Variants in PDZD4 observed in about 807,000 individuals in gnomAD.
PDZD4 encodes the protein PDZ domain-containing protein 4.
PDZD4 carries 9 observed loss-of-function variants against 38.5 expected under a neutral mutation model. The observed-to-expected ratio is 0.23, with a 90% CI of 0.14 to 0.41. The LOEUF (loss-of-function observed/expected upper bound fraction) is 0.41, where lower values mean the gene tolerates loss of function less well. Among genes scored for constraint, PDZD4 ranks in the 10% least tolerant of loss-of-function variants. PDZD4 has a pLI of 1.00. For missense variants in PDZD4, 612 were observed against 722.0 expected (o/e 0.85, Z 1.75); for synonymous variants, 349 against 315.7 (o/e 1.11, Z -1.12).
In PDZD4 at chrX:153,805,600, C is replaced by T. The variant is rs1259346897; in HGVS notation, c.574G>A (p.Gly192Ser). The change falls in exon 6 of 8, where the codon GGT becomes AGT. Residue 192 changes from glycine to serine, a missense_variant. By Grantham distance (56) the Gly-to-Ser change is moderately conservative. Coordinates refer to ENST00000393758, the MANE Select transcript of PDZD4 (RefSeq NM_001303512.2). Reference protein sequence around the residue: ...REGDRIIQINGVDVQNREEAV... With the variant: ...REGDRIIQINSVDVQNREEAV... The stretch of plus-strand genomic sequence containing the variant: ...TCTTCCCGGTTCTGGACGTCTACAC[C>T]GTTAATCTGAGGCAGGCAGGATACA... 4.1e-6 allele frequency: 5 copies of T among 1,205,259 alleles called. No individual in the cohort carries two copies. Among genetic ancestry groups the T allele is most frequent in the Non-Finnish European group, 5.6e-6 (5 of 890,657 alleles).
intron 1 of PDZD4, among the ~76,000 whole-genome samples, chrX:153,817,151 T>C (rs2064371940): frequency 9.0e-6 from 1 of 111,059 alleles, no homozygotes; most frequent in Admixed American, 9.6e-5. Context: ...CTGCTGGGCA[T>C]GTAAAATAGT....
In PDZD4 at chrX:153,818,292, C is replaced by A. The variant is rs369832853; in HGVS notation, c.61-9697G>T. On this transcript the variant is annotated intron_variant, in intron 1 of 7. Coordinates refer to ENST00000393758, the MANE Select transcript of PDZD4 (RefSeq NM_001303512.2). Reference sequence around the variant, plus strand: ...ATGAAGCTGGGCGTGGTGTCTCGCTCCTGTAGCCCCAAGTGGTGGAGGAGG... The same window carrying A: ...ATGAAGCTGGGCGTGGTGTCTCGCTACTGTAGCCCCAAGTGGTGGAGGAGG... Among the ~76,000 whole-genome samples the A allele has an allele frequency of 2.7e-5, 3 of 109,275 alleles. No individual in the cohort carries two copies. In the East Asian group the frequency reaches 8.5e-4, roughly 31 times the overall value. 94.9% of individuals were successfully genotyped at this position (109,275 alleles called of 115,157 possible).
At chrX:153,810,800 C>A (rs1036095585) in intron 1 of PDZD4, among the ~76,000 whole-genome samples, 2 of 112,348 alleles carry the variant, frequency 1.8e-5, no homozygotes, top group African/African-American at 6.5e-5. Flanking sequence ...ACCCCTGTGG[C>A]CTCAGCAGCG....
rs2092202218 is a variant in PDZD4, at chrX:153,804,566, T to C, written c.1115A>G (p.His372Arg). 8.3e-7 allele frequency: 1 copy of C among 1,209,609 alleles called. No individual in the cohort carries two copies. ...RYRELLEIKC[H>R]LENGNQLGLL... ...GCCCAGCTGGTTGCCGTTCTCCAGG[T>C]GGCACTTGATCTCCAGGAGCTCACG... Residue 372 changes from histidine to arginine, a missense_variant, in exon 8 of 8, where the codon CAC (histidine) becomes CGC (arginine). His to Arg is a conservative substitution (Grantham distance 29, BLOSUM62 0). Transcript: ENST00000393758.
In PDZD4 at chrX:153,802,248, G is replaced by A; in HGVS notation, c.*1105C>T. 1 of 111,982 alleles carries A rather than the reference G, an allele frequency of 8.9e-6. No individual in the cohort carries two copies. The highest frequency in any genetic ancestry group is 1.9e-5 in the Non-Finnish European group (1 of 53,119). 9.2% of individuals were successfully genotyped at this position (111,982 alleles called of 1,213,427 possible). ...GGTGCAGTCTGTCTGCCTCCAATCT[G>A]GGGCTCTCCAAGCCTAAGGGGCACC... is the stretch of plus-strand genomic sequence containing the variant. On this transcript the variant is annotated 3_prime_UTR_variant, in exon 8 of 8. Coordinates refer to ENST00000393758, the MANE Select transcript of PDZD4 (RefSeq NM_001303512.2).
At position 153,803,879 on chromosome X, in the gene PDZD4, T is replaced by C. The variant is rs200819237; in HGVS notation, c.1802A>G (p.Glu601Gly). Reference protein sequence around the residue: ...VQLAPTRGLEELGHGPLSLAG... With the variant: ...VQLAPTRGLEGLGHGPLSLAG... ...CAAGCTCAGGGGGCCGTGGCCCAGC[T>C]CCTCCAGGCCTCGCGTCGGGGCCAG... is the stretch of plus-strand genomic sequence containing the variant. Residue 601 changes from glutamate (E) to glycine (G), a missense_variant, in exon 8 of 8, where the codon GAG becomes GGG. Transcript: ENST00000393758. 8,872 of 1,184,879 alleles carry C rather than the reference T, an allele frequency of 7.5e-3. 25 individuals carry two copies. Among genetic ancestry groups the C allele is most frequent in the Non-Finnish European group, 8.6e-3 (7,650 of 885,097 alleles).
At chrX:153,829,419 G>A (rs1435923375) in intron 1 of PDZD4, 1 of 111,905 alleles carries the variant, frequency 8.9e-6, no homozygotes, top group Non-Finnish European at 1.9e-5. Flanking sequence ...TTAGCCCTAG[G>A]AGGTCTCAGC....
intron 1 of PDZD4, among the ~76,000 whole-genome samples, chrX:153,815,355 A>G (rs781902266): frequency 5.4e-5 from 6 of 111,663 alleles, no homozygotes; most frequent in South Asian, 7.5e-4. Flanking sequence ...CACTGAGAGC[A>G]CTCACTGCCC....
At chrX:153,830,089 A>T (rs1167414225) in intron 1 of PDZD4, 150 bp downstream of exon 1, 1 of 553,964 alleles carries the variant, frequency 1.8e-6, no homozygotes, top group Non-Finnish European at 2.5e-6. Context: ...GCCAACACCC[A>T]ACAGCCCCAG....
intron 1 of PDZD4, among the ~76,000 whole-genome samples, chrX:153,828,686 C>T (rs2064507457): frequency 8.9e-6 from 1 of 112,620 alleles, no homozygotes; most frequent in African/African-American, 3.2e-5. Context: ...CACGTCCCCA[C>T]GAGGTTGGCC....
At chrX:153,807,462 C>G in intron 2 of PDZD4, 93 bp from the exon 3 acceptor site, 1 of 901,371 alleles carries the variant, frequency 1.1e-6, no homozygotes, top group Non-Finnish European at 1.6e-6. Context: ...GTGCCTGGCA[C>G]GGAGGCCTGC....
chrX:153,805,185 C>T lies in PDZD4; in HGVS notation c.692G>A (p.Ser231Asn). ...GTCATCCAGGAAGTCATCCCGGTCG[C>T]TGTCCTTCCACCTTTTCGCCAGCTG... ...ESQLAKRWKD[S>N]DRDDFLDDFG... is the part of the protein sequence containing the mutation. The change falls in exon 7 of 8, where the codon AGC becomes AAC. Residue 231 changes from serine to asparagine, a missense_variant. Around this residue, in one of 3 missense-constraint regions of PDZD4, gnomAD observed 225 missense variants for 311.0 expected, o/e 0.72. Coordinates refer to ENST00000393758, the MANE Select transcript of PDZD4 (RefSeq NM_001303512.2). 1.7e-6 allele frequency: 2 copies of T among 1,211,644 alleles called. No homozygotes were observed. Among genetic ancestry groups the T allele is most frequent in the South Asian group, 3.5e-5 (2 of 57,020 alleles).
intron 3 of PDZD4, 128 bp downstream of exon 3, chrX:153,807,151 G>A (rs2064259309): frequency 4.6e-6 from 3 of 653,209 alleles, no homozygotes; most frequent in South Asian, 2.8e-5. Flanking sequence ...AACCTCACCC[G>A]CACCCTCCCT....
intron 1 of PDZD4, chrX:153,830,011 G>A (rs993306453): frequency 1.4e-6 from 1 of 697,359 alleles, no homozygotes; most frequent in Non-Finnish European, 1.9e-6. Context: ...CGCCTCCCGG[G>A]ACGGAAGCGC....
chrX:153,826,098 T>A, intron 1 of PDZD4, among the ~76,000 whole-genome samples: 1 of 108,338 alleles, frequency 9.2e-6, no homozygotes, highest in East Asian at 2.9e-4. Context: ...GTGCCTGTAA[T>A]CCTAGCTACA....
At chrX:153,815,743 G>A (rs1354556059) in intron 1 of PDZD4, among the ~76,000 whole-genome samples, 1 of 106,111 alleles carries the variant, frequency 9.4e-6, no homozygotes, top group Non-Finnish European at 1.9e-5. Context: ...CTTCCCCAGG[G>A]AACCCTGGGA....
chrX:153,808,094 G>A (rs1557077725), intron 2 of PDZD4: 3 of 1,063,256 alleles, frequency 2.8e-6, no homozygotes, highest in South Asian at 4.8e-5. Flanking sequence ...CTCAACCCTG[G>A]CACTTCCGGC....
chrX:153,813,937 A>G (rs2064333942), intron 1 of PDZD4, among the ~76,000 whole-genome samples: 1 of 112,339 alleles, frequency 8.9e-6, no homozygotes, highest in South Asian at 3.7e-4. Flanking sequence ...ATAAAACTTT[A>G]ATATGTTTCT....
At position 153,807,340 on chromosome X, in the gene PDZD4, G is replaced by A. The variant is rs1557077468; in HGVS notation, c.344C>T (p.Pro115Leu). 35 of 1,208,215 alleles carry A rather than the reference G, an allele frequency of 2.9e-5. No individual in the cohort carries two copies. Among genetic ancestry groups the A allele is most frequent in the African/African-American group, 5.2e-5 (3 of 57,494 alleles). The part of the protein sequence containing the change: ...LPPISHEYYD[P>L]AEFMEGGPQE... ...CGGGCCGCCCTCCATAAACTCCGCC[G>A]GGTCATAATACTCATGGCTGATTGG... The change falls in exon 3 of 8, where the codon CCG (proline) becomes CTG (leucine). Residue 115 changes from proline to leucine, a missense_variant. This residue lies in a region of PDZD4 where 225 missense variants were observed against 311.0 expected (regional missense o/e 0.72). Coordinates refer to ENST00000393758, the MANE Select transcript of PDZD4 (RefSeq NM_001303512.2).
Sources: allele counts gnomAD v4.1 joint callset (sites outside exome capture counted in the v4.1 genomes callset), GRCh38; gene constraint gnomAD v4.1.1; regional missense constraint gnomAD v4.1.1; transcripts MANE v1.5; gene names NCBI Gene and HGNC (gene_info 2026-07-23, HGNC 2026-07-21).